Variants in TEX101 observed in about 807,000 individuals in gnomAD.
TEX101 encodes testis-expressed protein 101.
TEX101 carries 10 observed loss-of-function variants against 18.1 expected under a neutral mutation model. That is an observed-to-expected ratio of 0.55 (90% CI 0.34 to 0.94). The LOEUF (loss-of-function observed/expected upper bound fraction) is 0.94, where lower values mean the gene tolerates loss of function less well. Ranked by LOEUF, TEX101 falls within the 40% of genes least tolerant of loss-of-function variation. TEX101 has a pLI of 0.02. For missense variants in TEX101, 259 were observed against 298.9 expected, an observed-to-expected ratio of 0.87 and a Z score of 0.98; for synonymous variants, 94 against 114.8, an observed-to-expected ratio of 0.82 and a Z score of 1.16.
chr19:43,390,306 A>T, the TEX101 span, among the ~76,000 whole-genome samples: 1 of 152,124 alleles, frequency 6.6e-6, no homozygotes. Flanking sequence ...CAGACCCAGT[A>T]GCCAGCTGTG....
chr19:43,394,721 C>T, the TEX101 span, among the ~76,000 whole-genome samples: 3 of 152,160 alleles, frequency 2.0e-5, no homozygotes, highest in African/African-American at 7.2e-5. Context: ...CCGCCTGCCT[C>T]GACCTCCCAA....
chr19:43,395,471 T>C, the TEX101 span, among the ~76,000 whole-genome samples: 1 of 152,190 alleles, frequency 6.6e-6, no homozygotes, highest in African/African-American at 2.4e-5. Context: ...GATTTCTTAT[T>C]TAAATTTAGA....
upstream of TEX101, among the ~76,000 whole-genome samples, chr19:43,412,179 A>G (rs975964684): frequency 5.9e-5 from 9 of 152,352 alleles, no homozygotes; most frequent in Middle Eastern, 3.4e-3. Context: ...CTGCAGCTGT[A>G]CAGGAAGCGT....
chr19:43,390,403 A>T, the TEX101 span, among the ~76,000 whole-genome samples: 7 of 148,332 alleles, frequency 4.7e-5, no homozygotes, highest in Non-Finnish European at 1.5e-5. Flanking sequence ...TATATAACAT[A>T]GAATTCACCA....
chr19:43,407,548 A>T (rs765706145), intron 3 of TEX101, among the ~76,000 whole-genome samples: 3 of 151,968 alleles, frequency 2.0e-5, no homozygotes, highest in Admixed American at 2.0e-4. Flanking sequence ...GGATTAGACC[A>T]TGTGAGACAG....
Position 43,416,257 on chromosome 19 carries a change from G to A in TEX101, c.208+15G>A, listed in dbSNP as rs546724390. ...AATTAAAGCAGGTGAAATGAGATGG[G>A]GCATTTGGGCTGGGTAGGAGGGAGG... On this transcript the variant is annotated intron_variant, in intron 3 of 5. Coordinates refer to ENST00000598265, the MANE Select transcript of TEX101 (RefSeq NM_001130011.3). The A allele has an allele frequency of 9.8e-5, 157 of 1,600,046 alleles. No individual in the cohort carries two copies. The South Asian group carries it at 1.7e-3, about 17-fold the overall frequency.
chr19:43,412,819 A>C (rs116058263), upstream of TEX101, among the ~76,000 whole-genome samples: 3,283 of 152,276 alleles, frequency 0.022, 133 homozygotes, highest in African/African-American at 0.075. Context: ...TTACAGAATC[A>C]GTACCAATTC....
chr19:43,417,318 CAAAAAA>C (rs200903495), intron 4 of TEX101, among the ~76,000 whole-genome samples: 1 of 151,634 alleles, frequency 6.6e-6, no homozygotes, highest in East Asian at 1.9e-4. Context: ...AAAACAAAAA[CAAAAAA>C]AACAGATCAA....
the TEX101 span, among the ~76,000 whole-genome samples, chr19:43,393,820 G>T: frequency 6.6e-6 from 1 of 150,688 alleles, no homozygotes; most frequent in Non-Finnish European, 1.5e-5. Context: ...AAACCCAGGT[G>T]GTCTGGCTCC....
chr19:43,409,914 T>G (rs8182585), upstream of TEX101, among the ~76,000 whole-genome samples: 45,321 of 152,012 alleles, frequency 0.3, 7,169 homozygotes, highest in East Asian at 0.59. Flanking sequence ...GGTGACATGT[T>G]CCTGTACTCC....
the TEX101 span, among the ~76,000 whole-genome samples, chr19:43,393,368 G>C: frequency 6.6e-6 from 1 of 152,200 alleles, no homozygotes; most frequent in Non-Finnish European, 1.5e-5. Context: ...CCCATCCATC[G>C]TTTCCTGGCC....
upstream of TEX101, among the ~76,000 whole-genome samples, chr19:43,413,936 T>C (rs180923201): frequency 2.0e-3 from 299 of 151,160 alleles, no homozygotes; most frequent in Admixed American, 3.5e-3. Context: ...GCCTGGGGGA[T>C]AGAGAGAGGC....
upstream of TEX101, among the ~76,000 whole-genome samples, chr19:43,411,118 C>T (rs1834262588): frequency 6.6e-6 from 1 of 152,088 alleles, no homozygotes; most frequent in South Asian, 2.1e-4. Context: ...GCTCTGTCAC[C>T]CAGGCTGCAG....
chr19:43,406,679 C>A (rs1970366918), intron 3 of TEX101, among the ~76,000 whole-genome samples: 1 of 152,164 alleles, frequency 6.6e-6, no homozygotes, highest in Non-Finnish European at 1.5e-5. Context: ...GAGACTGGGA[C>A]ACACGTCTGA....
At chr19:43,417,030 CA>C (rs746528568) in intron 4 of TEX101, among the ~76,000 whole-genome samples, 2,103 of 70,510 alleles carry the variant, frequency 0.03, 16 homozygotes, top group Admixed American at 0.037. Context: ...AAGACTCCAT[CA>C]AAAAAAAAAA....
upstream of TEX101, among the ~76,000 whole-genome samples, chr19:43,397,359 C>G (rs1256938679): frequency 1.3e-5 from 2 of 152,106 alleles, no homozygotes; most frequent in Non-Finnish European, 2.9e-5. Context: ...TTCATCTACT[C>G]TTTGTATAAC....
chr19:43,400,409 A>G (rs1970309110), upstream of TEX101, among the ~76,000 whole-genome samples: 1 of 152,182 alleles, frequency 6.6e-6, no homozygotes, highest in South Asian at 2.1e-4. Context: ...CAAATGAAAG[A>G]TTCTTGGGTT....
the TEX101 span, among the ~76,000 whole-genome samples, chr19:43,394,899 C>T: frequency 1.3e-5 from 2 of 152,170 alleles, no homozygotes; most frequent in Non-Finnish European, 2.9e-5. Flanking sequence ...GGAGGAAAAG[C>T]TTTTCCTCTA....
At chr19:43,394,745 C>T in the TEX101 span, among the ~76,000 whole-genome samples, 1 of 152,222 alleles carries the variant, frequency 6.6e-6, no homozygotes, top group Non-Finnish European at 1.5e-5. Context: ...GCTGGGATTA[C>T]AGGCGTGAGC....
Sources: allele counts gnomAD v4.1 joint callset (sites outside exome capture counted in the v4.1 genomes callset), GRCh38; gene constraint gnomAD v4.1.1; transcripts MANE v1.5; gene names NCBI Gene and HGNC (gene_info 2026-07-23, HGNC 2026-07-21).